The following EXOC6 variants were observed in gnomAD, a reference collection of about 807,000 sequenced individuals.
The protein encoded by EXOC6 is exocyst complex component 6, also known as SEC15-like 1.
A neutral mutation model predicts 112.5 loss-of-function variants in EXOC6; 60 were observed. The observed-to-expected ratio is 0.53, with a 90% CI of 0.43 to 0.66. The LOEUF (loss-of-function observed/expected upper bound fraction) is 0.66. Ranked by LOEUF, EXOC6 falls within the 30% of genes least tolerant of loss-of-function variation. The probability of loss-of-function intolerance (pLI) is 0.00; values close to 1 mark genes in which losing one functional copy is unlikely to be tolerated. For missense variants in EXOC6, 855 were observed against 957.1 expected (o/e 0.89, Z 1.41); for synonymous variants, 295 against 308.0 (o/e 0.96, Z 0.44).
intron 14 of EXOC6, among the ~76,000 whole-genome samples, chr10:92,951,975 C>T (rs1853444366): frequency 6.6e-6 from 1 of 152,168 alleles, no homozygotes; most frequent in Non-Finnish European, 1.5e-5. Context: ...TAGGCATTGC[C>T]TACAGACAGA....
chr10:93,027,163 C>T (rs1845066521), intron 20 of EXOC6, among the ~76,000 whole-genome samples: 1 of 152,158 alleles, frequency 6.6e-6, no homozygotes, highest in Non-Finnish European at 1.5e-5. Context: ...TTCCCTTGAG[C>T]CAAAGTATAA....
rs1846666531 is a variant in EXOC6 at position 93,059,028 on chromosome 10, A to G, written c.*673A>G. The G allele has an allele frequency of 6.6e-6, 1 of 152,204 alleles. No individual in the cohort carries two copies. Among genetic ancestry groups the G allele is most frequent in the Non-Finnish European group, 1.5e-5 (1 of 68,046 alleles). 9.4% of individuals were successfully genotyped at this position (152,204 alleles called of 1,614,324 possible). Reference sequence around the variant, plus strand: ...TTCATCAGGGTTAATATTTCTAACTATATTGCTTGTAGGTGACCCCATTCT... The same window carrying G: ...TTCATCAGGGTTAATATTTCTAACTGTATTGCTTGTAGGTGACCCCATTCT... On this transcript the variant is annotated 3_prime_UTR_variant, in exon 22 of 22. Coordinates refer to ENST00000260762, the MANE Select transcript of EXOC6 (RefSeq NM_019053.6).
chr10:92,883,733 C>G (rs1378009945), intron 1 of EXOC6, among the ~76,000 whole-genome samples: 3 of 151,994 alleles, frequency 2.0e-5, no homozygotes, highest in African/African-American at 7.3e-5. Context: ...GATAGAAATG[C>G]AAACTTAAGG....
intron 18 of EXOC6, among the ~76,000 whole-genome samples, chr10:92,980,230 A>G (rs1842779455): frequency 6.6e-6 from 1 of 152,118 alleles, no homozygotes; most frequent in African/African-American, 2.4e-5. Context: ...TGAACTTTAG[A>G]TTTGTAATTT....
chr10:92,867,934 A>G (rs1848259448), intron 1 of EXOC6, among the ~76,000 whole-genome samples: 1 of 152,202 alleles, frequency 6.6e-6, no homozygotes, highest in Admixed American at 6.5e-5. Context: ...AAAGGCACAG[A>G]TAACCCCAAA....
intron 5 of EXOC6, 55 bp downstream of exon 5, chr10:92,899,699 A>C (rs1245721942): frequency 3.2e-6 from 4 of 1,237,010 alleles, no homozygotes; most frequent in Non-Finnish European, 2.3e-6. Flanking sequence ...TATTATTGAA[A>C]GGACAGATAC....
chr10:92,940,758 A>C lies in EXOC6; in HGVS notation c.1244A>C (p.Asp415Ala), dbSNP rs1852621062. 1 of 1,594,836 alleles carries C rather than the reference A, an allele frequency of 6.3e-7. No homozygotes were observed. Among genetic ancestry groups the C allele is most frequent in the Non-Finnish European group, 8.5e-7 (1 of 1,172,744 alleles). Residue 415 changes from aspartate to alanine, a missense_variant, in exon 13 of 22, where the codon GAC becomes GCC. Asp to Ala is a moderately radical substitution (Grantham distance 126). This residue lies in a region of EXOC6 where 450 missense variants were observed against 563.5 expected (regional missense o/e 0.80). Coordinates refer to ENST00000260762, the MANE Select transcript of EXOC6 (RefSeq NM_019053.6). Reference protein sequence around the residue: ...GYGFPVNRLFDLLFEIRDQYN... With the variant: ...GYGFPVNRLFALLFEIRDQYN... ...GGTTTTCCAGTGAACCGACTTTTTG[A>C]CCTTTTATTTGAAATAAGAGACCAA...
intron 18 of EXOC6, among the ~76,000 whole-genome samples, chr10:92,993,307 TATAA>T (rs1228254091): frequency 6.6e-6 from 1 of 152,156 alleles, no homozygotes; most frequent in African/African-American, 2.4e-5. Context: ...TTTGTGGGAA[TATAA>T]ATAAAGAAAA....
chr10:92,830,629 T>G (rs1043600822), upstream of EXOC6, among the ~76,000 whole-genome samples: 3 of 152,148 alleles, frequency 2.0e-5, no homozygotes, highest in Non-Finnish European at 4.4e-5. Flanking sequence ...GCAGTATCCC[T>G]GGCCCATTCT....
chr10:92,879,685 G>A (rs533206090), intron 1 of EXOC6, among the ~76,000 whole-genome samples: 1 of 150,064 alleles, frequency 6.7e-6, no homozygotes, highest in South Asian at 2.1e-4. Context: ...CATCAGTACT[G>A]ATTTCCCATC....
intron 20 of EXOC6, among the ~76,000 whole-genome samples, chr10:93,031,351 G>A (rs1424228757): frequency 6.6e-6 from 1 of 152,068 alleles, no homozygotes; most frequent in African/African-American, 2.4e-5. Flanking sequence ...AATTATTTCT[G>A]AAGGTAAAGC....
chr10:92,955,427 A>G (rs1475235851), intron 16 of EXOC6, among the ~76,000 whole-genome samples, 153 bp from the exon 17 acceptor site: 1 of 151,864 alleles, frequency 6.6e-6, no homozygotes, highest in Non-Finnish European at 1.5e-5. Flanking sequence ...CAGTATTTGC[A>G]ACAGGCTTTT....
chr10:93,058,102 C>A, intron 21 of EXOC6, 121 bp from the exon 22 acceptor site: 1 of 824,340 alleles, frequency 1.2e-6, no homozygotes, highest in Non-Finnish European at 1.8e-6. Flanking sequence ...TTTCTTTGAA[C>A]TATATTTTTC....
chr10:92,913,664 A>G (rs552181188), intron 6 of EXOC6, among the ~76,000 whole-genome samples: 1 of 152,318 alleles, frequency 6.6e-6, no homozygotes, highest in Admixed American at 6.5e-5. Context: ...CACTACTGCC[A>G]GTGAGAGATG....
chr10:92,982,633 G>A (rs1480420105), intron 18 of EXOC6, among the ~76,000 whole-genome samples: 1 of 152,154 alleles, frequency 6.6e-6, no homozygotes, highest in Non-Finnish European at 1.5e-5. Context: ...CACAGTATAT[G>A]CTCAATAATA....
chr10:93,027,169 T>G (rs1208874614), intron 20 of EXOC6, among the ~76,000 whole-genome samples: 1 of 152,192 alleles, frequency 6.6e-6, no homozygotes, highest in Non-Finnish European at 1.5e-5. Context: ...TGAGCCAAAG[T>G]ATAATCCAGA....
At chr10:92,832,846 A>G (rs1477804608), upstream of EXOC6, among the ~76,000 whole-genome samples, 3 of 152,196 alleles carry the variant, frequency 2.0e-5, no homozygotes, top group African/African-American at 4.8e-5. Context: ...TATTTTTAGT[A>G]GAGACAGGGT....
chr10:92,843,976 CAAAAAAA>C (rs34641974), upstream of EXOC6, among the ~76,000 whole-genome samples: 6 of 37,896 alleles, frequency 1.6e-4, no homozygotes, highest in Admixed American at 1.1e-3. Context: ...GACTCTGTCT[CAAAAAAA>C]AAAAAAAAAA....
intron 6 of EXOC6, among the ~76,000 whole-genome samples, chr10:92,913,290 C>T (rs916116181): frequency 6.6e-6 from 1 of 152,182 alleles, no homozygotes; most frequent in African/African-American, 2.4e-5. Context: ...CTTCTAAATA[C>T]CTGTAGATTC....
Sources: gnomAD v4.1 joint callset for allele counts (sites outside exome capture counted in the v4.1 genomes callset) on GRCh38, gnomAD v4.1.1 for gene constraint, gnomAD v4.1.1 regional missense constraint, MANE v1.5 for transcripts, NCBI Gene and HGNC (gene_info 2026-07-23, HGNC 2026-07-21) for gene names.